OTUD7A: variants seen among roughly 807,000 people sequenced by gnomAD.
The protein encoded by OTUD7A is OTU deubiquitinase 7A, also known as OTU domain-containing protein 7A.
A neutral mutation model predicts 65.7 loss-of-function variants in OTUD7A; 12 were observed. The ratio of observed to expected loss-of-function variants is 0.18; its 90% CI spans 0.12 to 0.30. OTUD7A has a LOEUF of 0.30. Ranked by LOEUF, OTUD7A falls within the 10% of genes least tolerant of loss-of-function variation. The pLI is 1.00. For missense variants in OTUD7A, 1,148 were observed against 1,304.8 expected (o/e 0.88, Z 1.85); for synonymous variants, 641 against 586.3 (o/e 1.09, Z -1.35).
At chr15:31,631,171 T>C (rs894789186) in intron 3 of OTUD7A, among the ~76,000 whole-genome samples, 1 of 152,370 alleles carries the variant, frequency 6.6e-6, no homozygotes, top group Non-Finnish European at 1.5e-5. Context: ...TGATGCAGTT[T>C]TCTTCCTAGC....
chr15:31,484,557 G>GTCCTTCTCCTTGCGCTGCTTC lies in OTUD7A; in HGVS notation c.1518_1538dup (p.Glu506_Lys512dup). The GTCCTTCTCCTTGCGCTGCTTC allele has an allele frequency of 1.2e-6, 2 of 1,611,628 alleles. No individual in the cohort carries two copies. Among genetic ancestry groups the GTCCTTCTCCTTGCGCTGCTTC allele is most frequent in the South Asian group, 1.1e-5 (1 of 91,020 alleles). On this transcript the variant is annotated inframe_insertion, in exon 13 of 13. Coordinates refer to ENST00000307050, the MANE Select transcript of OTUD7A (RefSeq NM_001382637.1). This position sits in a 1 kb window ranked among gnomAD's most constrained non-coding sequence, Gnocchi z 4.5. Reference sequence around the variant, plus strand: ...TGGCCACGGAGTCGGCGCGCGTCTTGTCCTTCTCCTTGCGCTGCTTCTCCT... The same window carrying GTCCTTCTCCTTGCGCTGCTTC: ...TGGCCACGGAGTCGGCGCGCGTCTTGTCCTTCTCCTTGCGCTGCTTCTCCTTCTCCTTGCGCTGCTTCTCCT...
chr15:31,571,108 T>C (rs985123847), intron 3 of OTUD7A, among the ~76,000 whole-genome samples: 29 of 152,210 alleles, frequency 1.9e-4, no homozygotes, highest in Non-Finnish European at 8.8e-5. Flanking sequence ...TTGATCATTA[T>C]ACATTGTAGG....
intron 3 of OTUD7A, among the ~76,000 whole-genome samples, chr15:31,653,384 A>C (rs1324563400): frequency 6.6e-6 from 1 of 152,216 alleles, no homozygotes; most frequent in South Asian, 2.1e-4. Context: ...TGGACAGATG[A>C]GTGGAGAAAT....
Position 31,799,146 on chromosome 15 carries a change from G to T in OTUD7A, c.-100+71361C>A, listed in dbSNP as rs148131785. 1.3e-3 allele frequency among the ~76,000 whole-genome samples: 203 copies of T among 152,280 alleles called. 2 individuals are homozygous for T. The highest frequency in any genetic ancestry group is 4.7e-3 in the African/African-American group (196 of 41,552). ...CCTTGAACAGAGAGAAGGCTGGAGTGGCTGGGGTGAATCCAGCAAAGACAC... is the reference window on the plus strand; with the variant it reads ...CCTTGAACAGAGAGAAGGCTGGAGTTGCTGGGGTGAATCCAGCAAAGACAC... On this transcript the variant is annotated intron_variant, in intron 1 of 12. Transcript: ENST00000307050.
chr15:31,627,278 C>G (rs1890990417), intron 3 of OTUD7A, among the ~76,000 whole-genome samples: 1 of 121,618 alleles, frequency 8.2e-6, no homozygotes, highest in African/African-American at 3.1e-5. Context: ...GTGTGATGTT[C>G]CCCTTCCTGT....
At chr15:31,614,909 C>G (rs776787860) in intron 3 of OTUD7A, among the ~76,000 whole-genome samples, 1 of 152,040 alleles carries the variant, frequency 6.6e-6, no homozygotes, top group Non-Finnish European at 1.5e-5. Flanking sequence ...TTGAATTGTC[C>G]AAAGTATGGT....
intron 3 of OTUD7A, among the ~76,000 whole-genome samples, chr15:31,652,611 T>C (rs932692148): frequency 6.6e-6 from 1 of 152,204 alleles, no homozygotes; most frequent in Non-Finnish European, 1.5e-5. Flanking sequence ...ATTCAGAATA[T>C]GTAAAGAACT....
Position 31,610,617 on chromosome 15 carries a change from A to ATTTTTTTTTTTT in OTUD7A, c.152-40432_152-40421dup, listed in dbSNP as rs58099939. On this transcript the variant is annotated intron_variant, in intron 3 of 12. Transcript: ENST00000307050. ...ATTATATATATATATATATATATAT[A>ATTTTTTTTTTTT]TTTTTTTTTTTTTTTTTTTTTTGAG... Among the ~76,000 whole-genome samples the ATTTTTTTTTTTT allele has an allele frequency of 8.2e-4, 25 of 30,562 alleles. 1 individual carries two copies. The highest frequency in any genetic ancestry group is 9.4e-4 in the Non-Finnish European group (19 of 20,310). 20.0% of individuals were successfully genotyped at this position (30,562 alleles called of 152,430 possible).
chr15:31,799,591 G>T (rs1371904480), intron 1 of OTUD7A, among the ~76,000 whole-genome samples: 2 of 152,184 alleles, frequency 1.3e-5, no homozygotes, highest in Non-Finnish European at 2.9e-5. Flanking sequence ...ACAGGGAGAA[G>T]GCATCCACCT....
chr15:31,501,976 G>A (rs1032197591), intron 9 of OTUD7A, 137 bp from the exon 10 acceptor site: 30 of 977,686 alleles, frequency 3.1e-5, no homozygotes, highest in African/African-American at 8.3e-5. Flanking sequence ...GGATGGAGGC[G>A]GTGCTGAGGG....
Position 31,857,977 on chromosome 15 carries a change from T to C in OTUD7A, c.-100+12530A>G, listed in dbSNP as rs780025142. The stretch of plus-strand genomic sequence containing the variant: ...AAGGTTAATTACTTAAAACCAGTAG[T>C]ACTTTACGAAGAACGCATGGTTTCC... On this transcript the variant is annotated intron_variant, in intron 1 of 12. Coordinates refer to ENST00000307050, the MANE Select transcript of OTUD7A (RefSeq NM_001382637.1). 4.6e-5 allele frequency among the ~76,000 whole-genome samples: 7 copies of C among 152,152 alleles called. 1 individual carries two copies. Among genetic ancestry groups the C allele is most frequent in the South Asian group, 4.1e-4 (2 of 4,824 alleles).
chr15:31,775,302 C>G (rs1046206259), intron 1 of OTUD7A, among the ~76,000 whole-genome samples: 4 of 152,178 alleles, frequency 2.6e-5, no homozygotes. Flanking sequence ...ACAAAAGCCA[C>G]ATATTCATTC....
intron 5 of OTUD7A, among the ~76,000 whole-genome samples, chr15:31,553,232 C>T (rs150460836): frequency 3.9e-5 from 6 of 152,140 alleles, no homozygotes; most frequent in African/African-American, 7.2e-5. Context: ...TTCCCAGGCC[C>T]GCACATTCCC....
chr15:31,719,524 T>C (rs1046239135), intron 1 of OTUD7A, among the ~76,000 whole-genome samples: 4 of 152,126 alleles, frequency 2.6e-5, no homozygotes, highest in Admixed American at 6.6e-5. Context: ...GGGTTCTAAA[T>C]ATAATTTGAA....
intron 8 of OTUD7A, among the ~76,000 whole-genome samples, chr15:31,513,761 C>T (rs749755378): frequency 6.6e-6 from 1 of 152,224 alleles, no homozygotes; most frequent in Non-Finnish European, 1.5e-5. Context: ...TTAAGGTCAT[C>T]TTCCAGGCCT....
At chr15:31,670,199 T>TG (rs777271632) in intron 1 of OTUD7A, among the ~76,000 whole-genome samples, 9 of 151,370 alleles carry the variant, frequency 5.9e-5, no homozygotes, top group Non-Finnish European at 1.3e-4. Flanking sequence ...GCATTTGGGT[T>TG]GATTCCATGT....
At chr15:31,814,489 C>T (rs1195196840) in intron 1 of OTUD7A, among the ~76,000 whole-genome samples, 1 of 151,914 alleles carries the variant, frequency 6.6e-6, no homozygotes, top group Admixed American at 6.6e-5. Context: ...AGAGCCTTAA[C>T]ATTTAAGAAA....
chr15:31,489,431 G>A (rs996904987), intron 10 of OTUD7A, among the ~76,000 whole-genome samples: 6 of 152,132 alleles, frequency 3.9e-5, no homozygotes, highest in African/African-American at 7.2e-5. Context: ...CTGTCCACCC[G>A]CTTCCCAGGG....
At chr15:31,503,292 T>G (rs977765807) in intron 9 of OTUD7A, among the ~76,000 whole-genome samples, 20 of 148,172 alleles carry the variant, frequency 1.3e-4, no homozygotes, top group Non-Finnish European at 2.8e-4. Flanking sequence ...TCTGTCTTCC[T>G]TTCTTTTTAG....
Sources: allele counts gnomAD v4.1 joint callset (sites outside exome capture counted in the v4.1 genomes callset), GRCh38; gene constraint gnomAD v4.1.1; non-coding constraint Gnocchi (gnomAD v3.1); transcripts MANE v1.5; gene names NCBI Gene and HGNC (gene_info 2026-07-23, HGNC 2026-07-21).